Variants in BACE2 observed in about 807,000 individuals in gnomAD.
The protein encoded by BACE2 is 56 kDa aspartic-like protease.
BACE2 carries 17 observed loss-of-function variants against 46.2 expected under a neutral mutation model. The observed-to-expected ratio is 0.37, with a 90% CI of 0.25 to 0.55. BACE2 has a LOEUF of 0.55. Ranked by LOEUF, BACE2 falls within the 20% of genes least tolerant of loss-of-function variation. The pLI, the probability that BACE2 is intolerant of heterozygous loss-of-function variation, is 0.82. For synonymous variants in BACE2, 277 were observed against 295.9 expected (o/e 0.94, Z 0.66); for missense variants, 595 against 698.1 (o/e 0.85, Z 1.66).
At chr21:41,175,888 C>G (rs1984814447) in intron 1 of BACE2, 1 of 152,178 alleles carries the variant, frequency 6.6e-6, no homozygotes, top group Non-Finnish European at 1.5e-5. Flanking sequence ...ATCGTGCTGC[C>G]TCCTGGGGAA....
rs2088484365 is a variant in BACE2 at position 41,275,915 on chromosome 21, T to C, written c.*291T>C. 2.6e-6 allele frequency: 1 copy of C among 386,646 alleles called. No individual in the cohort carries two copies. Among genetic ancestry groups the C allele is most frequent in the Non-Finnish European group, 4.7e-6 (1 of 212,596 alleles). The allele number at this position is 386,646 out of a possible 1,614,324, so 24.0% of individuals were successfully genotyped here. A position where few individuals can be genotyped will look rare whatever the true frequency, so the allele number is the denominator to read the frequency against. ...GGTTCGTTATGCCAAAGTGTCTACA[T>C]GTGCCACCAACATAAAACAAAACCA... is the stretch of plus-strand genomic sequence containing the variant. On this transcript the variant is annotated 3_prime_UTR_variant, in exon 9 of 9. Coordinates refer to ENST00000330333, the MANE Select transcript of BACE2 (RefSeq NM_012105.5).
At position 41,209,038 on chromosome 21, in the gene BACE2, C is replaced by T. The variant is rs578006569; in HGVS notation, c.313-17228C>T. Among the ~76,000 whole-genome samples, 4 of 152,280 alleles carry T rather than the reference C, an allele frequency of 2.6e-5. No homozygotes were observed. In the South Asian group the frequency reaches 8.3e-4, roughly 32 times the overall value. ...GTACAGGTGGTGCTGACACTCAGGC[C>T]GCTCCCAAACGTTCTGTCGTGCGGT... is the stretch of plus-strand genomic sequence containing the variant. On this transcript the variant is annotated intron_variant, in intron 1 of 8. Transcript: ENST00000330333.
chr21:41,254,746 T>C (rs1266478294), intron 7 of BACE2, among the ~76,000 whole-genome samples: 1 of 152,264 alleles, frequency 6.6e-6, no homozygotes, highest in East Asian at 1.9e-4. Flanking sequence ...CATTTAACAC[T>C]GCACAGCACC....
intron 1 of BACE2, among the ~76,000 whole-genome samples, chr21:41,204,692 T>C (rs1247167162): frequency 6.6e-6 from 1 of 152,274 alleles, no homozygotes; most frequent in Non-Finnish European, 1.5e-5. Context: ...GATTTCTTTA[T>C]GACTTTTCTA....
At chr21:41,226,237 A>ATT in intron 1 of BACE2, 29 bp from the exon 2 acceptor site, 15 of 1,393,168 alleles carry the variant, frequency 1.1e-5, no homozygotes, top group African/African-American at 2.9e-5. Context: ...GATGCTTTCT[A>ATT]TTTTTTTTTT....
chr21:41,211,313 A>C (rs1986296390), intron 1 of BACE2, among the ~76,000 whole-genome samples: 1 of 152,032 alleles, frequency 6.6e-6, no homozygotes, highest in Non-Finnish European at 1.5e-5. Flanking sequence ...TCACACTCTC[A>C]CACATGCACA....
intron 4 of BACE2, among the ~76,000 whole-genome samples, chr21:41,242,911 T>C (rs1987346381): frequency 6.6e-6 from 1 of 152,070 alleles, no homozygotes; most frequent in South Asian, 2.1e-4. Flanking sequence ...TTTTATTTTA[T>C]TTCATTTATT....
intron 1 of BACE2, among the ~76,000 whole-genome samples, chr21:41,169,485 C>G (rs1055324865): frequency 1.3e-5 from 2 of 151,564 alleles, no homozygotes; most frequent in African/African-American, 2.4e-5. Context: ...TGATCTGCCC[C>G]CTCCTACTTT....
intron 1 of BACE2, among the ~76,000 whole-genome samples, chr21:41,213,617 C>CA (rs553563023): frequency 1.6e-3 from 237 of 152,038 alleles, no homozygotes; most frequent in Middle Eastern, 3.4e-3. Flanking sequence ...TACTAAAATA[C>CA]AAAAAAATTA....
chr21:41,221,956 C>T (rs1211802484), intron 1 of BACE2, among the ~76,000 whole-genome samples: 2 of 152,006 alleles, frequency 1.3e-5, no homozygotes, highest in African/African-American at 4.8e-5. Context: ...GCTGGTGGGG[C>T]GGAGGCAGCA....
intron 1 of BACE2, among the ~76,000 whole-genome samples, chr21:41,205,068 C>G (rs1986084037): frequency 6.6e-6 from 1 of 152,132 alleles, no homozygotes; most frequent in Non-Finnish European, 1.5e-5. Flanking sequence ...AATGGTTTTT[C>G]TGTGTTGCGC....
In BACE2 at chr21:41,279,027, GT is replaced by G. The variant is rs1055469346; in HGVS notation, c.*3407del. 2 of 147,978 alleles carry G rather than the reference GT, an allele frequency of 1.4e-5. No individual in the cohort carries two copies. The highest frequency in any genetic ancestry group is 5.3e-5 in the African/African-American group (2 of 38,092). The allele number at this position is 147,978 out of a possible 1,614,324, so 9.2% of individuals were successfully genotyped here. The stretch of plus-strand genomic sequence containing the variant: ...CTTGCCAGTAAGTTTTTTGGTTGTT[GT>G]TTTGTTTTTTTTGAAAAACGACGCA... On this transcript the variant is annotated 3_prime_UTR_variant, in exon 9 of 9. Transcript: ENST00000330333.
intron 1 of BACE2, among the ~76,000 whole-genome samples, chr21:41,187,230 C>T (rs1488546844): frequency 6.6e-6 from 1 of 152,218 alleles, no homozygotes; most frequent in African/African-American, 2.4e-5. Context: ...GGCCTTATCA[C>T]TCCCTCCTGC....
At chr21:41,203,689 G>A (rs1986033623) in intron 1 of BACE2, among the ~76,000 whole-genome samples, 1 of 152,090 alleles carries the variant, frequency 6.6e-6, no homozygotes, top group African/African-American at 2.4e-5. Flanking sequence ...CATGGACTGA[G>A]CCTGGGGAGA....
intron 1 of BACE2, among the ~76,000 whole-genome samples, chr21:41,220,274 C>A (rs570736602): frequency 8.5e-5 from 13 of 152,272 alleles, no homozygotes; most frequent in African/African-American, 3.1e-4. Flanking sequence ...GAACCCTGTT[C>A]TTTTGGGGTT....
intron 2 of BACE2, among the ~76,000 whole-genome samples, chr21:41,234,446 C>T: frequency 6.6e-6 from 1 of 152,226 alleles, no homozygotes; most frequent in East Asian, 1.9e-4. Context: ...AGCCATGCAG[C>T]TATGCAAGTT....
chr21:41,229,575 C>T (rs1482968603), intron 2 of BACE2, among the ~76,000 whole-genome samples: 1 of 152,206 alleles, frequency 6.6e-6, no homozygotes, highest in Non-Finnish European at 1.5e-5. Context: ...ATTGTTGAAA[C>T]CTTCAAGGGT....
intron 1 of BACE2, chr21:41,180,759 A>G (rs1212419289): frequency 6.0e-6 from 1 of 167,136 alleles, no homozygotes; most frequent in East Asian, 1.9e-4. Context: ...TAGCTTGCTC[A>G]TAGATCTTTT....
In BACE2 at chr21:41,277,833, A is replaced by G. The variant is rs1333378666; in HGVS notation, c.*2209A>G. On this transcript the variant is annotated 3_prime_UTR_variant, in exon 9 of 9. Transcript: ENST00000330333. ...AGTTTGCCGTCATGCTCTGTATTTC[A>G]TATCAGATTTCTTTATCTTTTCATA... 1 of 152,230 alleles carries G rather than the reference A, an allele frequency of 6.6e-6. No individual in the cohort carries two copies. 9.4% of individuals were successfully genotyped at this position (152,230 alleles called of 1,614,324 possible). A position where few individuals can be genotyped will look rare whatever the true frequency, so the allele number is the denominator to read the frequency against.
Sources: allele counts gnomAD v4.1 joint callset (sites outside exome capture counted in the v4.1 genomes callset), GRCh38; gene constraint gnomAD v4.1.1; transcripts MANE v1.5; gene names NCBI Gene and HGNC (gene_info 2026-07-23, HGNC 2026-07-21).